Variants in AMD1 observed in about 807,000 individuals in gnomAD.
The protein encoded by AMD1 is S-adenosylmethionine decarboxylase proenzyme.
AMD1 carries 11 observed loss-of-function variants against 40.2 expected under a neutral mutation model. The ratio of observed to expected loss-of-function variants is 0.27; its 90% confidence interval spans 0.17 to 0.45. The LOEUF (loss-of-function observed/expected upper bound fraction) is 0.45. AMD1 is among the 20% of genes least tolerant of loss of function. The pLI, the probability that AMD1 is intolerant of heterozygous loss-of-function variation, is 1.00. For synonymous variants in AMD1, 121 were observed against 130.8 expected (o/e 0.93, Z 0.51); for missense variants, 257 against 410.2 (o/e 0.63, Z 3.23).
At chr6:110,843,180 G>A in the AMD1 span, among the ~76,000 whole-genome samples, 1 of 151,442 alleles carries the variant, frequency 6.6e-6, no homozygotes, top group African/African-American at 2.4e-5. Context: ...GTCAAAAAAT[G>A]GCTGGGGTAT....
chr6:110,888,650 G>T, intron 2 of AMD1: 2 of 369,918 alleles, frequency 5.4e-6, no homozygotes, highest in Non-Finnish European at 9.8e-6. Flanking sequence ...ATGAATATAC[G>T]AATGTTTATC....
At chr6:110,839,210 ATTTATAAAACACTG>A in the AMD1 span, among the ~76,000 whole-genome samples, 3 of 152,168 alleles carry the variant, frequency 2.0e-5, no homozygotes, top group Non-Finnish European at 4.4e-5. Context: ...TTTCTCATGG[ATTTATAAAACACTG>A]TTTTCTACAC....
the AMD1 span, among the ~76,000 whole-genome samples, chr6:110,851,938 C>A: frequency 6.6e-6 from 1 of 152,106 alleles, no homozygotes. Context: ...ACAAGTGCAG[C>A]TCACCTTAAC....
In AMD1 at chr6:110,875,079, T is replaced by G; in HGVS notation, c.-27T>G. 2.2e-5 allele frequency: 35 copies of G among 1,569,318 alleles called. No homozygotes were observed. The highest frequency in any genetic ancestry group is 3.0e-5 in the Non-Finnish European group (34 of 1,144,604). ...TTTAATTTAGTTGATTTTCTGTGGT[T>G]GTTGGTTGTTCGCTAGTCTCACGGT... On this transcript the variant is annotated 5_prime_UTR_variant, in exon 1 of 9. Coordinates refer to ENST00000368885, the MANE Select transcript of AMD1 (RefSeq NM_001634.6).
chr6:110,841,461 G>A, the AMD1 span, among the ~76,000 whole-genome samples: 292 of 152,336 alleles, frequency 1.9e-3, no homozygotes, highest in African/African-American at 6.8e-3. Flanking sequence ...CCAGCTCGCA[G>A]CCTATGCCCC....
chr6:110,858,430 G>A, the AMD1 span: 8 of 952,034 alleles, frequency 8.4e-6, no homozygotes, highest in Admixed American at 1.7e-5. Flanking sequence ...GGACACTCAT[G>A]AACAAGCTAC....
intron 1 of AMD1, chr6:110,875,548 A>G (rs1379560853): frequency 4.6e-6 from 1 of 218,250 alleles, no homozygotes; most frequent in Admixed American, 5.9e-5. Context: ...GCCTCCCGAC[A>G]TTTCCCTCCG....
chr6:110,875,020 TCCGCAGCGGCGG>T lies in AMD1; in HGVS notation c.-84_-73del, dbSNP rs1213852202. 3.9e-6 allele frequency: 4 copies of T among 1,014,516 alleles called. No homozygotes were observed. The highest frequency in any genetic ancestry group is 2.0e-5 in the Admixed American group (1 of 49,280). 62.8% of individuals were successfully genotyped at this position (1,014,516 alleles called of 1,614,324 possible). On this transcript the variant is annotated 5_prime_UTR_variant, in exon 1 of 9. Transcript: ENST00000368885. ...AACTTTAGTAACACAGCTGGAACAATCCGCAGCGGCGGCGGCAGCGGCGGGAGAAGAGGTTTA... is the reference window on the plus strand; with the variant it reads ...AACTTTAGTAACACAGCTGGAACAATCGGCAGCGGCGGGAGAAGAGGTTTA...
Position 110,894,474 on chromosome 6 carries a change from T to C in AMD1, c.*858T>C, listed in dbSNP as rs746542710. ...GGTTAGCAGGGAAGACCCAGAGTTG[T>C]AGATTGAGATTAGGGTGTACTGGCT... is the stretch of plus-strand genomic sequence containing the variant. On this transcript the variant is annotated 3_prime_UTR_variant, in exon 9 of 9. Coordinates refer to ENST00000368885, the MANE Select transcript of AMD1 (RefSeq NM_001634.6). 2.0e-5 allele frequency: 3 copies of C among 152,286 alleles called. No homozygotes were observed. Among genetic ancestry groups the C allele is most frequent in the Non-Finnish European group, 4.4e-5 (3 of 68,050 alleles). 9.4% of individuals were successfully genotyped at this position (152,286 alleles called of 1,614,324 possible). A position where few individuals can be genotyped will look rare whatever the true frequency, so the allele number is the denominator to read the frequency against.
rs1183912626 is a variant in AMD1, at chr6:110,893,175, CAG to C, written c.864+112_864+113del. On this transcript the variant is annotated intron_variant, in intron 8 of 8. Transcript: ENST00000368885. ...TGAGATAGCACATATACCAGCCACT[CAG>C]ATATCCAGAAGTAATATTGTTTGAG... 4 of 1,018,572 alleles carry C rather than the reference CAG, an allele frequency of 3.9e-6. No homozygotes were observed. The African/African-American group carries it at 6.5e-5, about 17-fold the overall frequency. 63.1% of individuals were successfully genotyped at this position (1,018,572 alleles called of 1,614,324 possible).
the AMD1 span, among the ~76,000 whole-genome samples, chr6:110,855,779 C>T: frequency 6.6e-6 from 1 of 152,040 alleles, no homozygotes; most frequent in Non-Finnish European, 1.5e-5. Context: ...TATCCTAACC[C>T]AACTTAAAAG....
At chr6:110,836,664 TTTTTTG>T in the AMD1 span, among the ~76,000 whole-genome samples, 9 of 152,180 alleles carry the variant, frequency 5.9e-5, no homozygotes, top group East Asian at 1.9e-4. Context: ...TGTTTATTTG[TTTTTTG>T]TTTTTGTTTT....
the AMD1 span, among the ~76,000 whole-genome samples, chr6:110,857,656 G>GCATA: frequency 1.5e-5 from 2 of 130,444 alleles, no homozygotes; most frequent in African/African-American, 2.7e-5. Flanking sequence ...TATATAGATG[G>GCATA]TATATATATA....
At chr6:110,819,425 C>T in the AMD1 span, among the ~76,000 whole-genome samples, 1 of 152,070 alleles carries the variant, frequency 6.6e-6, no homozygotes, top group South Asian at 2.1e-4. Context: ...GAAAAAAGCA[C>T]ATACTATAAT....
the AMD1 span, among the ~76,000 whole-genome samples, chr6:110,856,854 T>C: frequency 1.3e-5 from 2 of 152,086 alleles, no homozygotes; most frequent in African/African-American, 4.8e-5. Context: ...GCACATATAG[T>C]TTGGTTTATT....
At chr6:110,876,709 G>A (rs1405141539) in intron 1 of AMD1, among the ~76,000 whole-genome samples, 3 of 152,168 alleles carry the variant, frequency 2.0e-5, no homozygotes, top group African/African-American at 7.2e-5. Context: ...CTTTGGTCAT[G>A]GAGAAGCTTA....
the AMD1 span, among the ~76,000 whole-genome samples, chr6:110,837,172 CAAAAAAAAAAAAAA>C: frequency 2.9e-4 from 7 of 23,908 alleles, no homozygotes; most frequent in African/African-American, 9.9e-4. Context: ...CAGAGCGTCT[CAAAAAAAAAAAAAA>C]AAAAAAAAAA....
chr6:110,826,294 A>G, the AMD1 span, among the ~76,000 whole-genome samples: 6 of 148,088 alleles, frequency 4.1e-5, no homozygotes, highest in African/African-American at 1.2e-4. Context: ...AAAAAAAAAA[A>G]AGAATCAAAC....
chr6:110,842,688 T>A, the AMD1 span, among the ~76,000 whole-genome samples: 2 of 152,100 alleles, frequency 1.3e-5, no homozygotes, highest in East Asian at 3.8e-4. Context: ...GTCTATGTGG[T>A]CCCAAACACT....
Sources: allele counts gnomAD v4.1 joint callset (sites outside exome capture counted in the v4.1 genomes callset), GRCh38; gene constraint gnomAD v4.1.1; transcripts MANE v1.5; gene names NCBI Gene and HGNC (gene_info 2026-07-23, HGNC 2026-07-21).